The following NEBL variants were observed in gnomAD, a reference collection of about 807,000 sequenced individuals.
NEBL encodes the protein nebulette.
Under a neutral mutation model 140.2 loss-of-function variants are expected in NEBL, and 122 were observed. That is an observed-to-expected ratio of 0.87 (90% CI 0.75 to 1.01). The LOEUF is 1.01. Among genes scored for constraint, NEBL ranks in the 50% least tolerant of loss-of-function variants. NEBL has a pLI of 0.00. For synonymous variants in NEBL, 436 were observed against 398.9 expected (o/e 1.09, Z -1.11); for missense variants, 1,365 against 1,231.3 (o/e 1.11, Z -1.62).
At chr10:20,849,640 C>T (rs1243138399) in intron 11 of NEBL, among the ~76,000 whole-genome samples, 1 of 152,106 alleles carries the variant, frequency 6.6e-6, no homozygotes, top group Non-Finnish European at 1.5e-5. Flanking sequence ...GCAAGAAGAC[C>T]CTTGGCAGAT....
At chr10:21,258,379 G>A (rs967614203) in intron 1 of NEBL, among the ~76,000 whole-genome samples, 8 of 152,168 alleles carry the variant, frequency 5.3e-5, no homozygotes, top group African/African-American at 9.7e-5. Context: ...GACCAGCCTG[G>A]CCAACATGGT....
intron 4 of NEBL, among the ~76,000 whole-genome samples, chr10:20,933,225 C>A (rs1240894627): frequency 6.6e-6 from 1 of 152,116 alleles, no homozygotes; most frequent in Non-Finnish European, 1.5e-5. Flanking sequence ...ACTAATTAAG[C>A]CCTTTTTTAT....
chr10:21,251,849 T>C (rs1217638896), intron 1 of NEBL, among the ~76,000 whole-genome samples: 2 of 152,164 alleles, frequency 1.3e-5, no homozygotes, highest in Non-Finnish European at 1.5e-5. Context: ...TAAATTTCTA[T>C]TGTTTATATC....
At chr10:21,077,794 G>C (rs1289446198) in intron 2 of NEBL, among the ~76,000 whole-genome samples, 1 of 151,958 alleles carries the variant, frequency 6.6e-6, no homozygotes, top group African/African-American at 2.4e-5. Flanking sequence ...CACACACCTA[G>C]GAAGTGGGAG....
intron 5 of NEBL, among the ~76,000 whole-genome samples, 169 bp downstream of exon 5, chr10:20,880,625 T>A (rs1436234894): frequency 6.6e-6 from 1 of 152,218 alleles, no homozygotes; most frequent in Non-Finnish European, 1.5e-5. Context: ...CGGCAAGGTG[T>A]TAATGACTGT....
At chr10:20,900,444 C>A (rs997515020), upstream of NEBL, among the ~76,000 whole-genome samples, 1 of 152,156 alleles carries the variant, frequency 6.6e-6, no homozygotes, top group Non-Finnish European at 1.5e-5. Context: ...CTTTGGGAGG[C>A]TGAGGCAGGC....
chr10:20,814,332 G>T (rs1256299073), intron 22 of NEBL, among the ~76,000 whole-genome samples: 1 of 151,728 alleles, frequency 6.6e-6, no homozygotes, highest in Admixed American at 6.6e-5. Context: ...CCGAGGACTC[G>T]TATCTGTAAT....
At chr10:21,180,465 C>T (rs1164976282) in intron 3 of NEBL, among the ~76,000 whole-genome samples, 1 of 152,140 alleles carries the variant, frequency 6.6e-6, no homozygotes. Flanking sequence ...TCCGCCCCAT[C>T]GAAATGAAAG....
At chr10:21,060,690 T>A (rs1835233505) in intron 2 of NEBL, among the ~76,000 whole-genome samples, 1 of 152,124 alleles carries the variant, frequency 6.6e-6, no homozygotes, top group Admixed American at 6.6e-5. Context: ...AACCTCTCTA[T>A]GCTTGCCTTC....
intron 2 of NEBL, among the ~76,000 whole-genome samples, chr10:21,145,693 A>G (rs991610231): frequency 6.6e-6 from 1 of 152,178 alleles, no homozygotes; most frequent in South Asian, 2.1e-4. Flanking sequence ...TCCCAAACAT[A>G]AAGTATGGAA....
At chr10:20,847,792 C>T (rs1842089443) in intron 11 of NEBL, among the ~76,000 whole-genome samples, 1 of 152,146 alleles carries the variant, frequency 6.6e-6, no homozygotes, top group African/African-American at 2.4e-5. Flanking sequence ...TCCGTTTTGC[C>T]TCAAGAATAT....
intron 2 of NEBL, among the ~76,000 whole-genome samples, chr10:21,070,817 A>G (rs1320119783): frequency 6.6e-6 from 1 of 152,192 alleles, no homozygotes; most frequent in African/African-American, 2.4e-5. Flanking sequence ...ACTATTTTAA[A>G]CTGGCATACA....
At chr10:20,836,077 AT>A (rs199523568) in intron 13 of NEBL, among the ~76,000 whole-genome samples, 1 of 150,364 alleles carries the variant, frequency 6.7e-6, no homozygotes, top group Non-Finnish European at 1.5e-5. Flanking sequence ...TAGATATTGC[AT>A]TTTTTTTTAC....
chr10:21,185,182 C>T (rs1841445346), intron 3 of NEBL, among the ~76,000 whole-genome samples: 1 of 152,180 alleles, frequency 6.6e-6, no homozygotes, highest in Non-Finnish European at 1.5e-5. Flanking sequence ...TAGGGTGTGG[C>T]TTCTGTTTTG....
chr10:21,207,755 G>C (rs113264929), intron 3 of NEBL, among the ~76,000 whole-genome samples: 46 of 152,220 alleles, frequency 3.0e-4, no homozygotes, highest in Non-Finnish European at 5.9e-4. Flanking sequence ...TGGAAAAGCA[G>C]CCCTCTACCC....
chr10:21,045,026 T>G (rs1834449190), intron 2 of NEBL, among the ~76,000 whole-genome samples: 1 of 152,216 alleles, frequency 6.6e-6, no homozygotes, highest in African/African-American at 2.4e-5. Flanking sequence ...CAGAAGAACG[T>G]TAATTATAGA....
At chr10:21,122,372 G>A (rs778348085) in intron 2 of NEBL, among the ~76,000 whole-genome samples, 5 of 151,910 alleles carry the variant, frequency 3.3e-5, no homozygotes, top group African/African-American at 7.3e-5. Context: ...GATCTATCTC[G>A]GTGCCACTAA....
At chr10:21,059,720 G>T (rs1015673264) in intron 2 of NEBL, among the ~76,000 whole-genome samples, 1 of 152,168 alleles carries the variant, frequency 6.6e-6, no homozygotes, top group Non-Finnish European at 1.5e-5. Flanking sequence ...TTTCAGTCAT[G>T]TAACATTAGG....
intron 2 of NEBL, among the ~76,000 whole-genome samples, chr10:21,126,709 C>T (rs1461981505): frequency 6.6e-6 from 1 of 152,054 alleles, no homozygotes; most frequent in African/African-American, 2.4e-5. Flanking sequence ...TGCGGTGGCT[C>T]ATGCCTGTAA....
Sources: gnomAD v4.1 joint callset for allele counts (sites outside exome capture counted in the v4.1 genomes callset) on GRCh38, gnomAD v4.1.1 for gene constraint, MANE v1.5 for transcripts, NCBI Gene and HGNC (gene_info 2026-07-23, HGNC 2026-07-21) for gene names.